The following SLC4A4 variants were observed in gnomAD, a reference collection of about 807,000 sequenced individuals.
SLC4A4 encodes the protein solute carrier family 4 member 4, also known as electrogenic sodium bicarbonate cotransporter 1.
In SLC4A4, 27 loss-of-function variants were observed where a neutral mutation model predicts 111.5. That is an observed-to-expected ratio of 0.24 (90% CI 0.18 to 0.33). The LOEUF is 0.33. Among genes scored for constraint, SLC4A4 ranks in the 10% least tolerant of loss-of-function variants. The probability of loss-of-function intolerance (pLI) is 1.00; values close to 1 mark genes in which losing one functional copy is unlikely to be tolerated. For synonymous variants in SLC4A4, 443 were observed against 463.4 expected (o/e 0.96, Z 0.57); for missense variants, 909 against 1,315.5 (o/e 0.69, Z 4.78).
At chr4:71,562,174 G>A (rs148366425) in intron 23 of SLC4A4, among the ~76,000 whole-genome samples, 30 of 151,692 alleles carry the variant, frequency 2.0e-4, no homozygotes, top group Middle Eastern at 6.8e-3. Flanking sequence ...CCAAAGTGTC[G>A]TACTTGTTTT....
intron 3 of SLC4A4, among the ~76,000 whole-genome samples, chr4:71,319,820 G>A (rs766895637): frequency 6.6e-6 from 1 of 151,936 alleles, no homozygotes; most frequent in Non-Finnish European, 1.5e-5. Context: ...AGAGGGAGAA[G>A]GAGGGATTTG....
At chr4:71,117,877 T>C (rs1055356840) in intron 2 of SLC4A4, among the ~76,000 whole-genome samples, 2 of 13,522 alleles carry the variant, frequency 1.5e-4, no homozygotes, top group African/African-American at 1.7e-4. Context: ...ATACATTTTC[T>C]TTTTTTTTTT....
At chr4:71,160,939 C>T in intron 2 of SLC4A4, among the ~76,000 whole-genome samples, 1 of 152,142 alleles carries the variant, frequency 6.6e-6, no homozygotes, top group East Asian at 1.9e-4. Flanking sequence ...AAGTAGGTTA[C>T]CTTCAATAAT....
chr4:71,505,044 T>C (rs1352760923), intron 16 of SLC4A4, among the ~76,000 whole-genome samples: 1 of 152,194 alleles, frequency 6.6e-6, no homozygotes, highest in Non-Finnish European at 1.5e-5. Context: ...TCCATGTCCC[T>C]GCAAAGGACA....
intron 3 of SLC4A4, among the ~76,000 whole-genome samples, chr4:71,305,421 T>C (rs566933085): frequency 5.9e-5 from 9 of 152,242 alleles, no homozygotes; most frequent in South Asian, 2.1e-4. Flanking sequence ...GAGTGAGGTA[T>C]GCAATGGCAC....
intron 3 of SLC4A4, among the ~76,000 whole-genome samples, chr4:71,315,473 G>A (rs1425122576): frequency 2.0e-5 from 3 of 152,220 alleles, no homozygotes; most frequent in African/African-American, 7.2e-5. Context: ...TACTTACCTG[G>A]ATTCAGGTCA....
rs568834416 is a variant in SLC4A4, at chr4:71,089,381, C to G, written c.-64-3349C>G. On this transcript the variant is annotated intron_variant, in intron 1 of 26. Coordinates refer to the SLC4A4 transcript ENST00000649996. Reference sequence around the variant, plus strand: ...CTTGGTGTAGTTTGATTGTCTGAAGCCTTCTTCTCTCAACTCGTCAAAGTC... The same window carrying G: ...CTTGGTGTAGTTTGATTGTCTGAAGGCTTCTTCTCTCAACTCGTCAAAGTC... Among the ~76,000 whole-genome samples, 5 of 152,144 alleles carry G rather than the reference C, an allele frequency of 3.3e-5. No individual in the cohort carries two copies. In the South Asian group the frequency reaches 8.3e-4, roughly 25 times the overall value.
chr4:71,567,200 T>G (rs201151262), intron 25 of SLC4A4, 117 bp downstream of exon 25: 2 of 836,352 alleles, frequency 2.4e-6, no homozygotes, highest in East Asian at 5.6e-5. Flanking sequence ...TTATTTATCT[T>G]AAATAAATTA....
chr4:71,562,409 G>A (rs184769201), intron 23 of SLC4A4, among the ~76,000 whole-genome samples: 1 of 151,720 alleles, frequency 6.6e-6, no homozygotes, highest in East Asian at 2.0e-4. Context: ...AGTCATGCGG[G>A]GACATGAGGG....
intron 1 of SLC4A4, among the ~76,000 whole-genome samples, chr4:71,065,304 A>G (rs1200158377): frequency 6.6e-6 from 1 of 150,848 alleles, no homozygotes; most frequent in African/African-American, 2.4e-5. Flanking sequence ...TGTTAAGTTA[A>G]TGAAGGGTAG....
At chr4:71,341,535 AAG>A (rs1314675866) in intron 4 of SLC4A4, among the ~76,000 whole-genome samples, 3 of 152,156 alleles carry the variant, frequency 2.0e-5, no homozygotes, top group Non-Finnish European at 2.9e-5. Flanking sequence ...TTTATGGATG[AAG>A]AGTCTTTTAA....
chr4:71,285,668 A>G (rs1372563771), intron 3 of SLC4A4, among the ~76,000 whole-genome samples: 1 of 152,194 alleles, frequency 6.6e-6, no homozygotes, highest in Non-Finnish European at 1.5e-5. Flanking sequence ...CAATTCTCAG[A>G]AAACAATTCT....
chr4:71,177,574 G>A (rs926848210), intron 2 of SLC4A4, among the ~76,000 whole-genome samples: 1 of 152,114 alleles, frequency 6.6e-6, no homozygotes, highest in Non-Finnish European at 1.5e-5. Flanking sequence ...GATCAAAAGA[G>A]ACAAAGAAGG....
At chr4:71,099,723 G>A (rs1316302725) in intron 2 of SLC4A4, among the ~76,000 whole-genome samples, 1 of 152,014 alleles carries the variant, frequency 6.6e-6, no homozygotes, top group East Asian at 1.9e-4. Flanking sequence ...AAAGAGAGAC[G>A]ATCCAAATAA....
At chr4:71,352,740 G>A (rs1268954788) in intron 5 of SLC4A4, among the ~76,000 whole-genome samples, 2 of 152,160 alleles carry the variant, frequency 1.3e-5, no homozygotes, top group African/African-American at 4.8e-5. Context: ...ATCCCAGTAT[G>A]AATAGTTTAT....
chr4:71,360,985 TC>T (rs1436730099), intron 6 of SLC4A4, among the ~76,000 whole-genome samples: 3 of 152,076 alleles, frequency 2.0e-5, no homozygotes, highest in Non-Finnish European at 4.4e-5. Context: ...AGTACAGGCT[TC>T]CTGCCTTGCA....
intron 1 of SLC4A4, 84 bp from the exon 2 acceptor site, chr4:71,236,492 T>C (rs1408194249): frequency 7.8e-6 from 10 of 1,279,962 alleles, no homozygotes; most frequent in Non-Finnish European, 1.1e-5. Flanking sequence ...GCTTGCAGGT[T>C]AACCTGCCCA....
chr4:71,228,736 G>C (rs577024540), intron 1 of SLC4A4, among the ~76,000 whole-genome samples: 1 of 152,258 alleles, frequency 6.6e-6, no homozygotes, highest in African/African-American at 2.4e-5. Flanking sequence ...AAATTTTATT[G>C]AGGTAATTGT....
intron 21 of SLC4A4, among the ~76,000 whole-genome samples, chr4:71,556,333 T>G (rs1736474940): frequency 6.6e-6 from 1 of 151,988 alleles, no homozygotes; most frequent in South Asian, 2.1e-4. Context: ...TAAAAATATT[T>G]TATTTTTACC....
Sources: allele counts gnomAD v4.1 joint callset (sites outside exome capture counted in the v4.1 genomes callset), GRCh38; gene constraint gnomAD v4.1.1; transcripts MANE v1.5; gene names NCBI Gene and HGNC (gene_info 2026-07-23, HGNC 2026-07-21).